The following REG4 variants were observed in gnomAD, a reference collection of about 807,000 sequenced individuals.
The protein encoded by REG4 is regenerating islet-derived protein 4.
A neutral mutation model predicts 22.3 loss-of-function variants in REG4; 16 were observed. The ratio of observed to expected loss-of-function variants is 0.72; its 90% CI spans 0.49 to 1.09. The LOEUF (loss-of-function observed/expected upper bound fraction) is 1.09. Ranked by LOEUF, REG4 falls within the 50% of genes least tolerant of loss-of-function variation. The probability of loss-of-function intolerance (pLI) is 0.00; values close to 1 mark genes in which losing one functional copy is unlikely to be tolerated. For missense variants in REG4, 214 were observed against 193.9 expected, an observed-to-expected ratio of 1.10 and a Z score of -0.61; for synonymous variants, 71 against 69.2, an observed-to-expected ratio of 1.03 and a Z score of -0.13.
intron 2 of REG4, among the ~76,000 whole-genome samples, chr1:119,804,820 G>A (rs1654242226): frequency 6.6e-6 from 1 of 151,934 alleles, no homozygotes. Context: ...ACTGTTTTCT[G>A]CTCTCATTCT....
Position 119,799,730 on chromosome 1 carries a change from G to A in REG4, c.298C>T (p.Gln100Ter), listed in dbSNP as rs1368616190. Residue 100 changes from glutamine to a stop codon, truncating the protein, a stop_gained, in exon 4 of 6, where the codon CAG becomes TAG. Coordinates refer to ENST00000256585, the MANE Select transcript of REG4 (RefSeq NM_032044.4). LOFTEE classifies it high-confidence loss of function. The stretch of plus-strand genomic sequence containing the variant: ...GTGGCCAAGTCTGAGGTTACCTTCT[G>A]TGGGTCGTGCAGGCCAATCCATATC... ...QPIWIGLHDP[Q>*]KRQQWQWIDG... 1 of 1,613,778 alleles carries A rather than the reference G, an allele frequency of 6.2e-7. No individual in the cohort carries two copies. The highest frequency in any genetic ancestry group is 2.2e-5 in the East Asian group (1 of 44,866).
chr1:119,799,706 T>C lies in REG4; in HGVS notation c.303+19A>G. 3 of 1,608,098 alleles carry C rather than the reference T, an allele frequency of 1.9e-6. No individual in the cohort carries two copies. Among genetic ancestry groups the C allele is most frequent in the Non-Finnish European group, 2.5e-6 (3 of 1,176,526 alleles). ...CCTGGCTTTCCCAAGAGGGCCTTTG[T>C]GGCCAAGTCTGAGGTTACCTTCTGT... On this transcript the variant is annotated intron_variant, in intron 4 of 5. Coordinates refer to ENST00000256585, the MANE Select transcript of REG4 (RefSeq NM_032044.4).
chr1:119,806,978 G>C (rs1654340081), intron 2 of REG4, among the ~76,000 whole-genome samples: 4 of 152,218 alleles, frequency 2.6e-5, no homozygotes, highest in African/African-American at 7.2e-5. Flanking sequence ...TATAGGAATT[G>C]TTCGACAAAT....
chr1:119,795,111 C>T (rs1020951171), intron 5 of REG4, among the ~76,000 whole-genome samples: 4 of 152,198 alleles, frequency 2.6e-5, no homozygotes, highest in African/African-American at 4.8e-5. Flanking sequence ...GCCAATTCCT[C>T]AAAGTAAATC....
At chr1:119,797,237 G>A (rs1653960784) in intron 5 of REG4, among the ~76,000 whole-genome samples, 1 of 152,156 alleles carries the variant, frequency 6.6e-6, no homozygotes, top group South Asian at 2.1e-4. Context: ...TCCACTTGTT[G>A]ATAGCCTCTA....
chr1:119,805,607 T>C (rs151126514), intron 2 of REG4, among the ~76,000 whole-genome samples: 26 of 151,622 alleles, frequency 1.7e-4, no homozygotes, highest in Non-Finnish European at 3.1e-4. Flanking sequence ...CTTTCTCCCC[T>C]TTCTCTGTCT....
chr1:119,804,856 C>G (rs1413791712), intron 2 of REG4, among the ~76,000 whole-genome samples: 1 of 152,160 alleles, frequency 6.6e-6, no homozygotes, highest in Non-Finnish European at 1.5e-5. Flanking sequence ...TCCTTCCTCA[C>G]TTTTCTATCT....
Position 119,799,756 on chromosome 1 carries a change from G to T in REG4, c.272C>A (p.Pro91Gln), listed in dbSNP as rs771107744. The change falls in exon 4 of 6, where the codon CCG (proline) becomes CAG (glutamine). Residue 91 changes from proline to glutamine, a missense_variant. Coordinates refer to ENST00000256585, the MANE Select transcript of REG4 (RefSeq NM_032044.4). ...EYISGYQRSQ[P>Q]IWIGLHDPQK... ...TGGGTCGTGCAGGCCAATCCATATC[G>T]GCTGGCTTCTCTGATAGCCACTTAT... The T allele has an allele frequency of 2.5e-6, 4 of 1,614,048 alleles. No homozygotes were observed. Among genetic ancestry groups the T allele is most frequent in the Non-Finnish European group, 3.4e-6 (4 of 1,180,026 alleles).
rs762902865 is a variant in REG4 at position 119,803,156 on chromosome 1, A to G, written c.77T>C (p.Met26Thr). ...CCATCCAGGAGCACAGCTGGGTCTC[A>G]TGATGATATCTGCACATAAACAAAA... ...AKTGVLGDII[M>T]RPSCAPGWFY... Residue 26 changes from methionine (M) to threonine (T), a missense_variant, in exon 3 of 6, where the codon ATG becomes ACG. Coordinates refer to ENST00000256585, the MANE Select transcript of REG4 (RefSeq NM_032044.4). The G allele has an allele frequency of 6.6e-7, 1 of 1,519,920 alleles. No homozygotes were observed. Among genetic ancestry groups the G allele is most frequent in the South Asian group, 1.3e-5 (1 of 74,788 alleles). 94.2% of individuals were successfully genotyped at this position (1,519,920 alleles called of 1,614,324 possible). A position where few individuals can be genotyped will look rare whatever the true frequency, so the allele number is the denominator to read the frequency against.
In REG4 at chr1:119,794,371, G is replaced by C. The variant is rs1653866231; in HGVS notation, c.*247C>G. ...TCTTCTAGACTGCTCGAGACAGCCA[G>C]AGACAGGGGAGGAGGGAAGAAGGAT... On this transcript the variant is annotated 3_prime_UTR_variant, in exon 6 of 6. Transcript: ENST00000256585. 2 of 607,164 alleles carry C rather than the reference G, an allele frequency of 3.3e-6. No homozygotes were observed. The highest frequency in any genetic ancestry group is 3.0e-6 in the Non-Finnish European group (1 of 329,530). 37.6% of individuals were successfully genotyped at this position (607,164 alleles called of 1,614,324 possible). A position where few individuals can be genotyped will look rare whatever the true frequency, so the allele number is the denominator to read the frequency against.
chr1:119,803,863 A>G (rs1031153980), intron 2 of REG4, among the ~76,000 whole-genome samples: 1 of 152,140 alleles, frequency 6.6e-6, no homozygotes, highest in African/African-American at 2.4e-5. Flanking sequence ...GGAGGCAGGA[A>G]TGTGTGGGGA....
At chr1:119,809,188 A>G (rs17838168) in intron 1 of REG4, 2,178 of 156,516 alleles carry the variant, frequency 0.014, 47 homozygotes, top group African/African-American at 0.05. Context: ...CACAGGTAAG[A>G]CGGATATGGG....
At chr1:119,799,299 C>CA (rs1425441350) in intron 4 of REG4, among the ~76,000 whole-genome samples, 20 of 151,412 alleles carry the variant, frequency 1.3e-4, no homozygotes, top group African/African-American at 4.9e-4. Context: ...TCAAGGATAA[C>CA]ATAAAAAAAA....
Position 119,803,135 on chromosome 1 carries a change from C to G in REG4, c.98G>C (p.Gly33Ala). 1 of 1,529,522 alleles carries G rather than the reference C, an allele frequency of 6.5e-7. No individual in the cohort carries two copies. Among genetic ancestry groups the G allele is most frequent in the Non-Finnish European group, 8.8e-7 (1 of 1,141,180 alleles). 94.7% of individuals were successfully genotyped at this position (1,529,522 alleles called of 1,614,324 possible). A position where few individuals can be genotyped will look rare whatever the true frequency, so the allele number is the denominator to read the frequency against. ...DIIMRPSCAP[G>A]WFYHKSNCYG... Reference sequence around the variant, plus strand: ...GCAATTGGACTTGTGGTAAAACCATCCAGGAGCACAGCTGGGTCTCATGAT... The same window carrying G: ...GCAATTGGACTTGTGGTAAAACCATGCAGGAGCACAGCTGGGTCTCATGAT... The change falls in exon 3 of 6, where the codon GGA (glycine) becomes GCA (alanine). Residue 33 changes from glycine to alanine, a missense_variant. Coordinates refer to ENST00000256585, the MANE Select transcript of REG4 (RefSeq NM_032044.4).
chr1:119,795,581 G>A (rs12408976), intron 5 of REG4, among the ~76,000 whole-genome samples: 8,166 of 152,280 alleles, frequency 0.054, 580 homozygotes, highest in African/African-American at 0.16. Flanking sequence ...GCAGCAGAGC[G>A]AGGAGTTGTT....
In REG4 at chr1:119,796,071, G is replaced by A. The variant is rs587744453; in HGVS notation, c.410-1386C>T. On this transcript the variant is annotated intron_variant, in intron 5 of 5. Coordinates refer to ENST00000256585, the MANE Select transcript of REG4 (RefSeq NM_032044.4). The stretch of plus-strand genomic sequence containing the variant: ...TTACTTTCCCTTTTCTCCAGGCCAC[G>A]GAGCCATTAGCCTAGCTTGCACGTG... Among the ~76,000 whole-genome samples the A allele has an allele frequency of 1.1e-4, 17 of 152,300 alleles. 1 individual carries two copies. Among genetic ancestry groups the A allele is most frequent in the East Asian group, 3.9e-4 (2 of 5,184 alleles).
At position 119,794,605 on chromosome 1, in the gene REG4, C is replaced by T; in HGVS notation, c.*13G>A. 2 of 1,612,314 alleles carry T rather than the reference C, an allele frequency of 1.2e-6. No homozygotes were observed. Among genetic ancestry groups the T allele is most frequent in the Non-Finnish European group, 1.7e-6 (2 of 1,178,270 alleles). On this transcript the variant is annotated 3_prime_UTR_variant, in exon 6 of 6. Transcript: ENST00000256585. Reference sequence around the variant, plus strand: ...GGGGCTGTGCAGGAGTTAGCAGAATCTTGATTCTTGCTCTATGGTCGGTAC... The same window carrying T: ...GGGGCTGTGCAGGAGTTAGCAGAATTTTGATTCTTGCTCTATGGTCGGTAC...
chr1:119,808,824 C>T lies in REG4; in HGVS notation c.-55G>A, dbSNP rs369004688. On this transcript the variant is annotated 5_prime_UTR_variant, in exon 2 of 6. Coordinates refer to ENST00000256585, the MANE Select transcript of REG4 (RefSeq NM_032044.4). ...GCAAGGATCTCAGAGACCTTACTAG[C>T]GCTTCTTTGAAACTCCTGGGTTCTC... is the stretch of plus-strand genomic sequence containing the variant. 2.4e-5 allele frequency: 33 copies of T among 1,347,030 alleles called. No individual in the cohort carries two copies. The highest frequency in any genetic ancestry group is 2.3e-4 in the African/African-American group (16 of 69,744). 83.4% of individuals were successfully genotyped at this position (1,347,030 alleles called of 1,614,324 possible). A position where few individuals can be genotyped will look rare whatever the true frequency, so the allele number is the denominator to read the frequency against.
intron 2 of REG4, among the ~76,000 whole-genome samples, chr1:119,804,397 C>T (rs1654226384): frequency 6.6e-6 from 1 of 152,206 alleles, no homozygotes. Context: ...CAGCCACATC[C>T]TTCTATGCCA....
Sources: allele counts gnomAD v4.1 joint callset (sites outside exome capture counted in the v4.1 genomes callset), GRCh38; gene constraint gnomAD v4.1.1; transcripts MANE v1.5; gene names NCBI Gene and HGNC (gene_info 2026-07-23, HGNC 2026-07-21).